The following RBFOX1 variants were observed in gnomAD, a reference collection of about 807,000 sequenced individuals.
RBFOX1 encodes RNA binding fox-1 homolog 1.
RBFOX1 carries 8 observed loss-of-function variants against 57.7 expected under a neutral mutation model. The observed-to-expected ratio is 0.14, with a 90% CI of 0.08 to 0.25. The LOEUF (loss-of-function observed/expected upper bound fraction) is 0.25. RBFOX1 is among the 10% of genes least tolerant of loss of function. RBFOX1 has a pLI of 1.00. For missense variants in RBFOX1, 611 were observed against 548.5 expected (o/e 1.11, Z -1.14); for synonymous variants, 326 against 222.4 (o/e 1.47, Z -4.15).
At chr16:7,592,787 A>G (rs922890466) in intron 7 of RBFOX1, among the ~76,000 whole-genome samples, 1 of 152,180 alleles carries the variant, frequency 6.6e-6, no homozygotes, top group Non-Finnish European at 1.5e-5. Flanking sequence ...AAATCTATAG[A>G]TATCAGCAAT....
chr16:5,245,884 CAT>C (rs1222191560), intron 1 of RBFOX1, among the ~76,000 whole-genome samples: 1 of 152,192 alleles, frequency 6.6e-6, no homozygotes, highest in Non-Finnish European at 1.5e-5. Flanking sequence ...TTGACCAAAA[CAT>C]ATTAGAGAAA....
chr16:6,760,409 T>C (rs2076438621), intron 3 of RBFOX1, among the ~76,000 whole-genome samples: 1 of 152,202 alleles, frequency 6.6e-6, no homozygotes. Flanking sequence ...TTTTAACTCT[T>C]GCTCTTACAA....
At chr16:5,362,313 C>T (rs929461744) in intron 1 of RBFOX1, among the ~76,000 whole-genome samples, 26 of 152,224 alleles carry the variant, frequency 1.7e-4, no homozygotes, top group African/African-American at 6.0e-4. Flanking sequence ...GCCTCAGCCT[C>T]CCGAGTGTCT....
At chr16:5,821,711 T>C (rs2055864306) in intron 3 of RBFOX1, among the ~76,000 whole-genome samples, 1 of 152,172 alleles carries the variant, frequency 6.6e-6, no homozygotes. Context: ...GCACAAACAT[T>C]AATTTTCTCG....
intron 5 of RBFOX1, among the ~76,000 whole-genome samples, chr16:7,569,483 C>T (rs376401817): frequency 6.6e-6 from 1 of 152,188 alleles, no homozygotes; most frequent in East Asian, 1.9e-4. Context: ...TTCCATGCCA[C>T]TGGCCTCTGT....
chr16:6,071,327 C>T (rs768082316), intron 1 of RBFOX1, among the ~76,000 whole-genome samples: 9 of 152,160 alleles, frequency 5.9e-5, no homozygotes, highest in Admixed American at 1.3e-4. Context: ...TCTCCAAAAC[C>T]AACAGGAAAC....
intron 4 of RBFOX1, among the ~76,000 whole-genome samples, chr16:7,291,612 G>C (rs2095776404): frequency 6.6e-6 from 1 of 152,064 alleles, no homozygotes; most frequent in South Asian, 2.1e-4. Flanking sequence ...TAAGTCAATA[G>C]AGGAAGAGCA....
chr16:5,939,620 C>A (rs2059240427), intron 4 of RBFOX1, among the ~76,000 whole-genome samples: 1 of 152,176 alleles, frequency 6.6e-6, no homozygotes, highest in Non-Finnish European at 1.5e-5. Flanking sequence ...AAGTCACCCA[C>A]TGTCACTTTT....
intron 4 of RBFOX1, among the ~76,000 whole-genome samples, chr16:7,224,792 A>G (rs1174295360): frequency 6.6e-6 from 1 of 152,206 alleles, no homozygotes; most frequent in African/African-American, 2.4e-5. Flanking sequence ...GTGTGGTCCA[A>G]AGACCAGCCT....
At chr16:5,423,258 A>C (rs529598542) in intron 1 of RBFOX1, among the ~76,000 whole-genome samples, 1 of 152,218 alleles carries the variant, frequency 6.6e-6, no homozygotes, top group Non-Finnish European at 1.5e-5. Context: ...CAGTATCACT[A>C]TCAGGAAAGT....
chr16:7,484,980 TG>T (rs1007235385), intron 4 of RBFOX1, among the ~76,000 whole-genome samples: 2 of 152,194 alleles, frequency 1.3e-5, no homozygotes, highest in African/African-American at 4.8e-5. Flanking sequence ...AGATACTGTC[TG>T]GGTTTTCATA....
intron 2 of RBFOX1, among the ~76,000 whole-genome samples, chr16:6,650,988 C>A (rs189062676): frequency 6.6e-6 from 1 of 152,158 alleles, no homozygotes; most frequent in Non-Finnish European, 1.5e-5. Flanking sequence ...CTGCATCCTC[C>A]GCCTTCCCGG....
intron 4 of RBFOX1, among the ~76,000 whole-genome samples, chr16:6,004,306 C>T (rs1199224936): frequency 1.3e-5 from 2 of 152,208 alleles, no homozygotes; most frequent in African/African-American, 4.8e-5. Context: ...GGACATTTCA[C>T]TTAGCTTCTC....
chr16:7,190,866 A>G (rs564035421), intron 4 of RBFOX1, among the ~76,000 whole-genome samples: 10 of 152,214 alleles, frequency 6.6e-5, no homozygotes, highest in African/African-American at 9.6e-5. Context: ...AGGATTGACT[A>G]TTCTTCAGAG....
At chr16:5,503,924 T>C (rs963664623) in intron 2 of RBFOX1, among the ~76,000 whole-genome samples, 1 of 152,206 alleles carries the variant, frequency 6.6e-6, no homozygotes, top group Admixed American at 6.5e-5. Flanking sequence ...TTGCCTGTTG[T>C]GGCCATTTCA....
At chr16:7,237,787 C>T (rs923999444) in intron 4 of RBFOX1, among the ~76,000 whole-genome samples, 4 of 152,204 alleles carry the variant, frequency 2.6e-5, no homozygotes, top group Non-Finnish European at 2.9e-5. Flanking sequence ...GGACAGATCA[C>T]TTGAGGTCAG....
At chr16:6,558,639 G>A (rs1048236394) in intron 2 of RBFOX1, among the ~76,000 whole-genome samples, 8 of 152,160 alleles carry the variant, frequency 5.3e-5, no homozygotes, top group Non-Finnish European at 1.0e-4. Context: ...TAGAAAAATT[G>A]TCCCTTATAA....
At chr16:7,104,683 A>G (rs890118332) in intron 4 of RBFOX1, among the ~76,000 whole-genome samples, 1 of 152,134 alleles carries the variant, frequency 6.6e-6, no homozygotes, top group Admixed American at 6.6e-5. Flanking sequence ...TGTTGGTTAC[A>G]TATTCATGGT....
At chr16:5,287,569 T>C (rs2063427502) in intron 1 of RBFOX1, among the ~76,000 whole-genome samples, 1 of 152,238 alleles carries the variant, frequency 6.6e-6, no homozygotes, top group Admixed American at 6.5e-5. Context: ...AACAATCGTT[T>C]ATTTTCATGG....
Sources: allele counts gnomAD v4.1 joint callset (sites outside exome capture counted in the v4.1 genomes callset), GRCh38; gene constraint gnomAD v4.1.1; transcripts MANE v1.5; gene names NCBI Gene and HGNC (gene_info 2026-07-23, HGNC 2026-07-21).